Variants in VASP observed in about 807,000 individuals in gnomAD.
The protein encoded by VASP is vasodilator-stimulated phosphoprotein.
A neutral mutation model predicts 54.4 loss-of-function variants in VASP; 27 were observed. That is an observed-to-expected ratio of 0.50 (90% confidence interval 0.37 to 0.68). The LOEUF (loss-of-function observed/expected upper bound fraction) is 0.68, where lower values mean the gene tolerates loss of function less well. VASP is among the 30% of genes least tolerant of loss of function. The pLI is 0.00. For missense variants in VASP, 488 were observed against 528.3 expected, an observed-to-expected ratio of 0.92 and a Z score of 0.75; for synonymous variants, 233 against 209.8, an observed-to-expected ratio of 1.11 and a Z score of -0.96.
chr19:45,507,664 G>A lies in VASP; in HGVS notation c.-108G>A. 7.0e-7 allele frequency: 1 copy of A among 1,426,292 alleles called. No homozygotes were observed. Among genetic ancestry groups the A allele is most frequent in the African/African-American group, 1.5e-5 (1 of 67,938 alleles). The allele number at this position is 1,426,292 out of a possible 1,614,324, so 88.4% of individuals were successfully genotyped here. A position where few individuals can be genotyped will look rare whatever the true frequency, so the allele number is the denominator to read the frequency against. On this transcript the variant is annotated 5_prime_UTR_variant, in exon 1 of 13. Transcript: ENST00000245932. The surrounding 1 kb of genome is among the most constrained non-coding windows in gnomAD (Gnocchi z 4.4). ...CCGGACTCTATGGGGCGGGACCCTG[G>A]GGGAGCCTGAGCCGAGCCCGGAGCC...
At chr19:45,517,907 C>G (rs765034487) in intron 2 of VASP, 22 bp from the exon 3 acceptor site, 3 of 1,599,356 alleles carry the variant, frequency 1.9e-6, no homozygotes, top group Non-Finnish European at 2.6e-6. Flanking sequence ...CCGCCCCTCA[C>G]CCCCCTTTCC....
At position 45,526,333 on chromosome 19, in the gene VASP, C is replaced by A; in HGVS notation, c.*156C>A. The stretch of plus-strand genomic sequence containing the variant: ...CTTGGAAAACTCCAAGGGGGTGTGG[C>A]TTCCCTGCTCACACCCACACTGGCT... On this transcript the variant is annotated 3_prime_UTR_variant, in exon 13 of 13. Transcript: ENST00000245932. 3.4e-6 allele frequency: 3 copies of A among 890,166 alleles called. No homozygotes were observed. Among genetic ancestry groups the A allele is most frequent in the Non-Finnish European group, 4.9e-6 (3 of 615,996 alleles). 55.1% of individuals were successfully genotyped at this position (890,166 alleles called of 1,614,324 possible).
At position 45,513,468 on chromosome 19, in the gene VASP, C is replaced by CTTTTTTTTTTTTT. The variant is rs71173173; in HGVS notation, c.6-4186_6-4174dup. On this transcript the variant is annotated intron_variant, in intron 1 of 12. Coordinates refer to ENST00000245932, the MANE Select transcript of VASP (RefSeq NM_003370.4). ...CATCTTGCCCAAGCTAGTCTCTCTCCTTTTTTTTTTTTTTTTTTTTTGAGA... is the reference window on the plus strand; with the variant it reads ...CATCTTGCCCAAGCTAGTCTCTCTCCTTTTTTTTTTTTTTTTTTTTTTTTTTTTTTTTTTGAGA... Among the ~76,000 whole-genome samples the CTTTTTTTTTTTTT allele has an allele frequency of 8.0e-4, 74 of 92,788 alleles. 3 individuals are homozygous for CTTTTTTTTTTTTT. Among genetic ancestry groups the CTTTTTTTTTTTTT allele is most frequent in the African/African-American group, 2.7e-3 (57 of 21,076 alleles). 60.9% of individuals were successfully genotyped at this position (92,788 alleles called of 152,430 possible).
chr19:45,521,354 A>G lies in VASP; in HGVS notation c.376A>G (p.Thr126Ala). ...GGPPPPPALP[T>A]WSVPNGPSPE... ...GCCCCCTCCACCCCCAGCACTTCCC[A>G]CCTGGTCGGTCCCGAACGGCCCCTC... Residue 126 changes from threonine to alanine, a missense_variant, in exon 4 of 13, where the codon ACC becomes GCC. This residue lies in a region of VASP where 226 missense variants were observed against 196.0 expected (regional missense o/e 1.15). Coordinates refer to ENST00000245932, the MANE Select transcript of VASP (RefSeq NM_003370.4). 1 of 1,582,508 alleles carries G rather than the reference A, an allele frequency of 6.3e-7. No individual in the cohort carries two copies. Among genetic ancestry groups the G allele is most frequent in the South Asian group, 1.2e-5 (1 of 86,474 alleles).
chr19:45,508,251 C>T (rs1018702970), intron 1 of VASP, among the ~76,000 whole-genome samples: 2 of 152,154 alleles, frequency 1.3e-5, no homozygotes, highest in Non-Finnish European at 2.9e-5. Flanking sequence ...TTACTTGGTG[C>T]TGGAAAAAGT....
intron 1 of VASP, among the ~76,000 whole-genome samples, chr19:45,508,155 G>A (rs1968526417): frequency 1.3e-5 from 2 of 152,036 alleles, no homozygotes; most frequent in South Asian, 4.2e-4. Flanking sequence ...TCGAGGTCCG[G>A]GAAGGATTGT....
At position 45,507,680 on chromosome 19, in the gene VASP, G is replaced by C; in HGVS notation, c.-92G>C. ...GGGACCCTGGGGGAGCCTGAGCCGA[G>C]CCCGGAGCCAGCCCCGAACCCCTGA... On this transcript the variant is annotated 5_prime_UTR_variant, in exon 1 of 13. Coordinates refer to ENST00000245932, the MANE Select transcript of VASP (RefSeq NM_003370.4). This position sits in a 1 kb window ranked among gnomAD's most constrained non-coding sequence, Gnocchi z 4.4. The C allele has an allele frequency of 6.7e-7, 1 of 1,484,946 alleles. No individual in the cohort carries two copies. The highest frequency in any genetic ancestry group is 1.4e-5 in the African/African-American group (1 of 69,224). The allele number at this position is 1,484,946 out of a possible 1,614,324, so 92.0% of individuals were successfully genotyped here.
chr19:45,522,410 C>G lies in VASP; in HGVS notation c.549C>G (p.Pro183=). The G allele has an allele frequency of 1.3e-6, 2 of 1,532,848 alleles. No individual in the cohort carries two copies. Among genetic ancestry groups the G allele is most frequent in the African/African-American group, 1.4e-5 (1 of 72,964 alleles). 95.0% of individuals were successfully genotyped at this position (1,532,848 alleles called of 1,614,324 possible). A position where few individuals can be genotyped will look rare whatever the true frequency, so the allele number is the denominator to read the frequency against. The change falls in exon 6 of 13, where the codon CCC becomes CCG. Residue 183 remains proline (P), a synonymous_variant. Coordinates refer to ENST00000245932, the MANE Select transcript of VASP (RefSeq NM_003370.4). ...GACCTCCCCCTCCTCCAGGTCCCCCCCCACCCCCAGGTTTGCCCCCTTCGG... is the reference window on the plus strand; with the variant it reads ...GACCTCCCCCTCCTCCAGGTCCCCCGCCACCCCCAGGTTTGCCCCCTTCGG... ...PPGPPPPPGP[P]PPPGLPPSGV...
At position 45,522,717 on chromosome 19, in the gene VASP, G is replaced by A; in HGVS notation, c.721-1G>A. 1 of 1,603,768 alleles carries A rather than the reference G, an allele frequency of 6.2e-7. No homozygotes were observed. Among genetic ancestry groups the A allele is most frequent in the South Asian group, 1.1e-5 (1 of 89,892 alleles). On this transcript the variant is annotated splice_acceptor_variant, in intron 6 of 12. Coordinates refer to ENST00000245932, the MANE Select transcript of VASP (RefSeq NM_003370.4). LOFTEE classifies it high-confidence loss of function. ...CTCCTGCCCCTTTTAAATTTCTCCA[G>A]CAGGAGGAGGCCTCAGGGGGGCCCA...
chr19:45,517,977 A>AC lies in VASP; in HGVS notation c.231dup (p.Asn78GlnfsTer177). 6.3e-7 allele frequency: 1 copy of AC among 1,596,026 alleles called. No individual in the cohort carries two copies. Among genetic ancestry groups the AC allele is most frequent in the Non-Finnish European group, 8.5e-7 (1 of 1,171,092 alleles). On this transcript the variant is annotated frameshift_variant, in exon 3 of 13. Transcript: ENST00000245932. LOFTEE classifies it high-confidence loss of function. Reference sequence around the variant, plus strand: ...CCGGGGTGTCAAGTATAACCAGGCCACCCCCAACTTCCATCAGTGGCGCGA... The same window carrying AC: ...CCGGGGTGTCAAGTATAACCAGGCCACCCCCCAACTTCCATCAGTGGCGCGA...
intron 10 of VASP, 111 bp from the exon 11 acceptor site, chr19:45,524,459 G>A (rs1342068405): frequency 1.8e-6 from 2 of 1,138,268 alleles, no homozygotes; most frequent in Non-Finnish European, 2.6e-6. Context: ...AAAATACTTG[G>A]ACTTGCCCAA....
Position 45,522,735 on chromosome 19 carries a change from G to A in VASP, c.738G>A (p.Gly246=), listed in dbSNP as rs1417781432. ...TTCTCCAGCAGGAGGAGGCCTCAGG[G>A]GGGCCCACAGCCCCCAAAGCTGAGA... ...RKVSKQEEAS[G]GPTAPKAESG... is the part of the protein sequence containing the mutation. Residue 246 remains glycine (G), a synonymous_variant, in exon 7 of 13, where the codon GGG becomes GGA. Transcript: ENST00000245932. 2 of 1,603,734 alleles carry A rather than the reference G, an allele frequency of 1.2e-6. No homozygotes were observed. Among genetic ancestry groups the A allele is most frequent in the Admixed American group, 3.6e-5 (2 of 55,864 alleles).
intron 1 of VASP, among the ~76,000 whole-genome samples, chr19:45,517,010 T>C (rs1599932642): frequency 1.3e-5 from 1 of 77,802 alleles, no homozygotes; most frequent in Non-Finnish European, 2.9e-5. Flanking sequence ...AAAAAAAGAT[T>C]AGTCGGGTGT....
intron 11 of VASP, 84 bp from the exon 12 acceptor site, chr19:45,525,861 TC>T (rs1347121190): frequency 1.6e-5 from 22 of 1,366,598 alleles, no homozygotes; most frequent in Non-Finnish European, 2.0e-5. Context: ...AGAGCAAGGT[TC>T]CTTCTCAAAA....
At chr19:45,515,749 G>T (rs1037431716) in intron 1 of VASP, among the ~76,000 whole-genome samples, 2 of 152,062 alleles carry the variant, frequency 1.3e-5, no homozygotes, top group South Asian at 4.1e-4. Context: ...TGTTGCCCAG[G>T]CTGGTCTCGA....
In VASP at chr19:45,522,802, G is replaced by A. The variant is rs768626257; in HGVS notation, c.805G>A (p.Ala269Thr). Residue 269 changes from alanine to threonine, a missense_variant, in exon 7 of 13, where the codon GCC becomes ACC. Ala to Thr is a moderately conservative substitution (Grantham distance 58). Around this residue, in one of 4 missense-constraint regions of VASP, gnomAD observed 9 missense variants for 26.9 expected, o/e 0.33. Transcript: ENST00000245932. ...GGGGLMEEMN[A>T]MLARRRKATQ... ...TGGGGGACTCATGGAAGAGATGAACGCCATGCTGGCCCGGAGGTGAGCCTG... is the reference window on the plus strand; with the variant it reads ...TGGGGGACTCATGGAAGAGATGAACACCATGCTGGCCCGGAGGTGAGCCTG... The A allele has an allele frequency of 3.7e-6, 6 of 1,605,600 alleles. No individual in the cohort carries two copies. The highest frequency in any genetic ancestry group is 2.2e-5 in the South Asian group (2 of 90,116).
intron 3 of VASP, among the ~76,000 whole-genome samples, chr19:45,519,401 C>T (rs1381190755): frequency 6.6e-6 from 1 of 152,122 alleles, no homozygotes; most frequent in Non-Finnish European, 1.5e-5. Context: ...GCCTCTGCCT[C>T]CCAAAGTGCT....
At chr19:45,524,407 C>T in intron 10 of VASP, 163 bp from the exon 11 acceptor site, 1 of 706,844 alleles carries the variant, frequency 1.4e-6, no homozygotes. Flanking sequence ...CAAAACAAAA[C>T]ACAACAAACC....
intron 11 of VASP, chr19:45,525,713 GAA>G (rs1442683579): frequency 2.3e-6 from 1 of 435,152 alleles, no homozygotes; most frequent in South Asian, 3.5e-5. Flanking sequence ...AAAAGAAAAA[GAA>G]AAAGTTACCT....
Sources: allele counts gnomAD v4.1 joint callset (sites outside exome capture counted in the v4.1 genomes callset), GRCh38; gene constraint gnomAD v4.1.1; regional missense constraint gnomAD v4.1.1; non-coding constraint Gnocchi (gnomAD v3.1); transcripts MANE v1.5; gene names NCBI Gene and HGNC (gene_info 2026-07-23, HGNC 2026-07-21).